NXPE2: variants seen among roughly 807,000 people sequenced by gnomAD.
The protein encoded by NXPE2 is neurexophilin and PC-esterase domain family member 2.
In NXPE2, 34 loss-of-function variants were observed where a neutral mutation model predicts 34.4. The ratio of observed to expected loss-of-function variants is 0.99; its 90% CI spans 0.75 to 1.31. The LOEUF is 1.31. Ranked by LOEUF, NXPE2 falls within the 40% of genes most tolerant of loss-of-function variation. The pLI, the probability that NXPE2 is intolerant of heterozygous loss-of-function variation, is 0.00. For missense variants in NXPE2, 649 were observed against 672.5 expected, an observed-to-expected ratio of 0.97 and a Z score of 0.39; for synonymous variants, 235 against 231.3, an observed-to-expected ratio of 1.02 and a Z score of -0.15.
At chr11:114,520,214 A>G in the NXPE2 span, among the ~76,000 whole-genome samples, 1 of 152,116 alleles carries the variant, frequency 6.6e-6, no homozygotes, top group Non-Finnish European at 1.5e-5. Flanking sequence ...CTAGACATTC[A>G]TCCAATAGAA....
the NXPE2 span, among the ~76,000 whole-genome samples, chr11:114,668,529 C>T: frequency 3.3e-5 from 5 of 152,022 alleles, no homozygotes; most frequent in Non-Finnish European, 7.4e-5. Flanking sequence ...ACAGAAGGAA[C>T]CTCAGCCTTC....
At chr11:114,601,169 G>A in the NXPE2 span, among the ~76,000 whole-genome samples, 1 of 151,504 alleles carries the variant, frequency 6.6e-6, no homozygotes, top group Non-Finnish European at 1.5e-5. Flanking sequence ...GGTGAACTCT[G>A]GAGTTTTAGT....
the NXPE2 span, chr11:114,583,706 T>C: frequency 1.8e-6 from 1 of 568,198 alleles, no homozygotes; most frequent in Non-Finnish European, 3.5e-6. Context: ...TGGCTTCTGT[T>C]ATGTTAATGA....
At chr11:114,790,074 G>A in the NXPE2 span, among the ~76,000 whole-genome samples, 6 of 152,114 alleles carry the variant, frequency 3.9e-5, no homozygotes, top group Non-Finnish European at 8.8e-5. Flanking sequence ...CTTACAATAA[G>A]CCCTGCTGCT....
the NXPE2 span, among the ~76,000 whole-genome samples, chr11:114,571,694 TGCA>T: frequency 6.6e-6 from 1 of 152,178 alleles, no homozygotes; most frequent in Non-Finnish European, 1.5e-5. Flanking sequence ...AGGACTAGCT[TGCA>T]GCTCTCACTC....
chr11:114,619,798 G>A, the NXPE2 span, among the ~76,000 whole-genome samples: 1 of 152,086 alleles, frequency 6.6e-6, no homozygotes, highest in African/African-American at 2.4e-5. Context: ...TGCCTCGTGA[G>A]TAACCACTGT....
chr11:114,634,001 T>C, the NXPE2 span, among the ~76,000 whole-genome samples: 2 of 152,038 alleles, frequency 1.3e-5, no homozygotes, highest in South Asian at 4.2e-4. Flanking sequence ...CTGGGTCAAA[T>C]GGTATTTCTA....
chr11:114,611,483 A>G, the NXPE2 span, among the ~76,000 whole-genome samples: 2 of 151,882 alleles, frequency 1.3e-5, no homozygotes, highest in Non-Finnish European at 2.9e-5. Context: ...AACCACTGTT[A>G]CCCTGTGGAT....
the NXPE2 span, among the ~76,000 whole-genome samples, chr11:114,620,116 A>G: frequency 6.6e-6 from 1 of 151,622 alleles, no homozygotes; most frequent in African/African-American, 2.4e-5. Flanking sequence ...CCAGTGGATA[A>G]TACGTATTTC....
chr11:114,808,408 G>T, the NXPE2 span, among the ~76,000 whole-genome samples: 143,466 of 149,910 alleles, frequency 0.96, 68,985 homozygotes, highest in Middle Eastern at 1. Context: ...TCCAGGAGCT[G>T]GTTTTTTGAA....
the NXPE2 span, among the ~76,000 whole-genome samples, chr11:114,662,875 C>A: frequency 1.3e-3 from 192 of 152,238 alleles, no homozygotes; most frequent in African/African-American, 4.3e-3. Flanking sequence ...AGAGCACTTG[C>A]GCCTTGAATA....
chr11:114,805,545 C>T, the NXPE2 span, among the ~76,000 whole-genome samples: 1 of 152,244 alleles, frequency 6.6e-6, no homozygotes, highest in African/African-American at 2.4e-5. Context: ...GATTATATCC[C>T]ACACCTGGCT....
At chr11:114,715,970 C>A in the NXPE2 span, among the ~76,000 whole-genome samples, 1 of 152,152 alleles carries the variant, frequency 6.6e-6, no homozygotes, top group Non-Finnish European at 1.5e-5. Flanking sequence ...GGGTGATGCC[C>A]AGGAATCTGT....
the NXPE2 span, among the ~76,000 whole-genome samples, chr11:114,668,677 G>A: frequency 1.3e-5 from 2 of 152,078 alleles, no homozygotes; most frequent in East Asian, 3.9e-4. Context: ...GGAGTGGGCA[G>A]AGACCATGAC....
At chr11:114,606,007 T>G in the NXPE2 span, among the ~76,000 whole-genome samples, 2,054 of 151,886 alleles carry the variant, frequency 0.014, 45 homozygotes, top group African/African-American at 0.047. Flanking sequence ...AAGTATTGCC[T>G]CATGGGTAAC....
chr11:114,529,562 G>A, the NXPE2 span: 34,277 of 152,076 alleles, frequency 0.23, 5,394 homozygotes, highest in African/African-American at 0.44. Flanking sequence ...TGTTGAACCA[G>A]GGGTTTGCAG....
chr11:114,630,203 C>A, the NXPE2 span, among the ~76,000 whole-genome samples: 3 of 151,648 alleles, frequency 2.0e-5, no homozygotes, highest in East Asian at 3.8e-4. Context: ...AAAAAAGAGC[C>A]CTCATCGCCA....
rs140539487 is a variant in NXPE2, at chr11:114,678,618, C to G, written c.26+17C>G. 135 of 1,543,320 alleles carry G rather than the reference C, an allele frequency of 8.7e-5. No individual in the cohort carries two copies. The African/African-American group carries it at 1.4e-3, about 16-fold the overall frequency. ...CATCCATAGGTGTGGTACTTTCCAA[C>G]TCTTACTGCCAAGCTAACGTCAGGG... On this transcript the variant is annotated intron_variant, in intron 1 of 5. Coordinates refer to ENST00000389586, the MANE Select transcript of NXPE2 (RefSeq NM_182495.6).
the NXPE2 span, among the ~76,000 whole-genome samples, chr11:114,536,558 G>C: frequency 6.6e-6 from 1 of 152,048 alleles, no homozygotes; most frequent in Non-Finnish European, 1.5e-5. Context: ...GAAGAAAAGA[G>C]AGAAGAATCA....
Sources: allele counts gnomAD v4.1 joint callset (sites outside exome capture counted in the v4.1 genomes callset), GRCh38; gene constraint gnomAD v4.1.1; transcripts MANE v1.5; gene names NCBI Gene and HGNC (gene_info 2026-07-23, HGNC 2026-07-21).